KCNN2: variants seen among roughly 807,000 people sequenced by gnomAD.
KCNN2 encodes potassium calcium-activated channel subfamily N member 2.
In KCNN2, 24 loss-of-function variants were observed where a neutral mutation model predicts 55.5. The observed-to-expected ratio is 0.43, with a 90% CI of 0.31 to 0.61. The LOEUF (loss-of-function observed/expected upper bound fraction) is 0.61. Among genes scored for constraint, KCNN2 ranks in the 20% least tolerant of loss-of-function variants. KCNN2 has a pLI of 0.08. For missense variants in KCNN2, 754 were observed against 853.6 expected, an observed-to-expected ratio of 0.88 and a Z score of 1.45; for synonymous variants, 431 against 336.1, an observed-to-expected ratio of 1.28 and a Z score of -3.09.
chr5:114,473,174 T>TATCCA lies in KCNN2; in HGVS notation c.1890+11_1890+15dup, dbSNP rs1354124469. 1 of 1,416,662 alleles carries TATCCA rather than the reference T, an allele frequency of 7.1e-7. No homozygotes were observed. The highest frequency in any genetic ancestry group is 1.8e-4 in the Middle Eastern group (1 of 5,702). 87.8% of individuals were successfully genotyped at this position (1,416,662 alleles called of 1,614,324 possible). On this transcript the variant is annotated intron_variant, in intron 5 of 7. Transcript: ENST00000673685. ...TCAGCTGACTAAAAGAGTAAGTTACTATCCATATATCTTCAAAGAGAATAT... is the reference window on the plus strand; with the variant it reads ...TCAGCTGACTAAAAGAGTAAGTTACTATCCAATCCATATATCTTCAAAGAGAATAT...
intron 1 of KCNN2, among the ~76,000 whole-genome samples, chr5:114,218,754 G>A (rs1045343056): frequency 8.5e-5 from 13 of 152,174 alleles, no homozygotes; most frequent in South Asian, 2.1e-4. Flanking sequence ...GTTTCAGTGT[G>A]GGCTCATCAA....
exon 1 of KCNN2, chr5:114,056,397 C>G (rs113236005): frequency 1.8e-5 from 7 of 398,612 alleles, no homozygotes; most frequent in African/African-American, 1.0e-4. Context: ...TCAGTGGACT[C>G]GATCTTCAGC....
chr5:114,445,561 A>C (rs1257914385), intron 3 of KCNN2, among the ~76,000 whole-genome samples: 1 of 152,220 alleles, frequency 6.6e-6, no homozygotes, highest in Non-Finnish European at 1.5e-5. Context: ...TAGCTACACA[A>C]ATAGTCACAC....
intron 1 of KCNN2, among the ~76,000 whole-genome samples, chr5:114,153,492 A>C (rs1752567781): frequency 6.6e-6 from 1 of 150,446 alleles, no homozygotes; most frequent in Non-Finnish European, 1.5e-5. Context: ...GGTCAGAGAC[A>C]AAAAAAAACT....
intron 4 of KCNN2, among the ~76,000 whole-genome samples, chr5:114,470,147 C>A (rs1761654343): frequency 6.6e-6 from 1 of 152,164 alleles, no homozygotes; most frequent in South Asian, 2.1e-4. Flanking sequence ...TGAGAATAAA[C>A]ACAAATAAAA....
At chr5:114,080,449 A>C (rs1015371921) in intron 1 of KCNN2, among the ~76,000 whole-genome samples, 1 of 152,102 alleles carries the variant, frequency 6.6e-6, no homozygotes, top group Non-Finnish European at 1.5e-5. Context: ...AAAGGTTTTT[A>C]TTTATACATT....
chr5:114,422,292 TTGGG>T (rs1324195424), intron 3 of KCNN2, among the ~76,000 whole-genome samples: 3 of 152,124 alleles, frequency 2.0e-5, no homozygotes, highest in African/African-American at 7.2e-5. Flanking sequence ...TCATAGATGA[TTGGG>T]TCATGAGGGT....
At chr5:114,410,938 T>G (rs546120456) in intron 3 of KCNN2, among the ~76,000 whole-genome samples, 7 of 152,318 alleles carry the variant, frequency 4.6e-5, no homozygotes, top group African/African-American at 1.7e-4. Context: ...TTGCTCTTTT[T>G]GAAAGCAGAC....
chr5:114,141,301 C>T (rs966561273), intron 1 of KCNN2, among the ~76,000 whole-genome samples: 3 of 152,032 alleles, frequency 2.0e-5, no homozygotes, highest in Admixed American at 6.6e-5. Context: ...CACGACAGGC[C>T]CCGGTGTGTG....
intron 1 of KCNN2, among the ~76,000 whole-genome samples, chr5:114,217,116 A>G (rs1454812839): frequency 6.6e-6 from 1 of 152,130 alleles, no homozygotes; most frequent in East Asian, 1.9e-4. Flanking sequence ...AAATAACTAA[A>G]TAAATGGAGA....
intron 2 of KCNN2, among the ~76,000 whole-genome samples, chr5:114,371,014 A>G (rs1333779228): frequency 6.6e-6 from 1 of 152,176 alleles, no homozygotes; most frequent in African/African-American, 2.4e-5. Flanking sequence ...TGCTTGTAGC[A>G]GCCATAGAGA....
At chr5:114,097,527 TC>T in intron 1 of KCNN2, among the ~76,000 whole-genome samples, 1 of 152,256 alleles carries the variant, frequency 6.6e-6, no homozygotes, top group East Asian at 1.9e-4. Flanking sequence ...TATAGCTTGT[TC>T]CCCTGGCTGA....
At chr5:114,324,184 A>C (rs1756672464) in intron 2 of KCNN2, among the ~76,000 whole-genome samples, 1 of 152,204 alleles carries the variant, frequency 6.6e-6, no homozygotes, top group South Asian at 2.1e-4. Context: ...CGTTGTACCA[A>C]CACCTATGAA....
At chr5:114,369,209 A>G (rs892724053) in intron 2 of KCNN2, among the ~76,000 whole-genome samples, 10 of 152,220 alleles carry the variant, frequency 6.6e-5, no homozygotes, top group African/African-American at 2.4e-4. Flanking sequence ...CTATAAAAAT[A>G]TTTATTAAAG....
chr5:114,232,782 C>T (rs1313961965), intron 2 of KCNN2, among the ~76,000 whole-genome samples: 3 of 150,604 alleles, frequency 2.0e-5, no homozygotes, highest in Admixed American at 2.0e-4. Flanking sequence ...ACACTATACT[C>T]AGAATTCTGG....
At chr5:114,281,382 T>C (rs561088109) in intron 2 of KCNN2, among the ~76,000 whole-genome samples, 1 of 152,294 alleles carries the variant, frequency 6.6e-6, no homozygotes, top group African/African-American at 2.4e-5. Flanking sequence ...TACACTTAAA[T>C]TGGCATTTTA....
At chr5:114,481,689 A>G (rs1192100833) in intron 5 of KCNN2, among the ~76,000 whole-genome samples, 2 of 152,160 alleles carry the variant, frequency 1.3e-5, no homozygotes, top group Non-Finnish European at 2.9e-5. Flanking sequence ...AAACTGGTAC[A>G]AAAACAGACA....
At chr5:114,129,000 G>A (rs941905049) in intron 1 of KCNN2, among the ~76,000 whole-genome samples, 4 of 152,102 alleles carry the variant, frequency 2.6e-5, no homozygotes, top group Admixed American at 2.6e-4. Flanking sequence ...ATTCAAATTA[G>A]GATAATTATA....
intron 2 of KCNN2, among the ~76,000 whole-genome samples, chr5:114,221,872 T>A (rs776654248): frequency 6.6e-6 from 1 of 152,210 alleles, no homozygotes; most frequent in Non-Finnish European, 1.5e-5. Context: ...TGAGATTAAG[T>A]ATCAGAAAAT....
Sources: gnomAD v4.1 joint callset for allele counts (sites outside exome capture counted in the v4.1 genomes callset) on GRCh38, gnomAD v4.1.1 for gene constraint, MANE v1.5 for transcripts, NCBI Gene and HGNC (gene_info 2026-07-23, HGNC 2026-07-21) for gene names.